The following ZNF292 variants were observed in gnomAD, a reference collection of about 807,000 sequenced individuals.
ZNF292 encodes zinc finger protein 292.
Under a neutral mutation model 217.9 loss-of-function variants are expected in ZNF292, and 26 were observed. The observed-to-expected ratio is 0.12, with a 90% CI of 0.09 to 0.17. The LOEUF is 0.17. Ranked by LOEUF, ZNF292 falls within the 10% of genes least tolerant of loss-of-function variation. The probability of loss-of-function intolerance (pLI) is 1.00; values close to 1 mark genes in which losing one functional copy is unlikely to be tolerated. For missense variants in ZNF292, 2,904 were observed against 3,175.2 expected (o/e 0.91, Z 2.05); for synonymous variants, 1,257 against 1,124.1 (o/e 1.12, Z -2.37).
At chr6:87,192,976 C>CA (rs769422363) in intron 1 of ZNF292, among the ~76,000 whole-genome samples, 1 of 152,046 alleles carries the variant, frequency 6.6e-6, no homozygotes, top group Non-Finnish European at 1.5e-5. Context: ...AATCTTGAAG[C>CA]AAAAAACATT....
chr6:87,256,660 C>T lies in ZNF292; in HGVS notation c.3031C>T (p.Leu1011Phe), dbSNP rs779853676. The T allele has an allele frequency of 4.3e-6, 7 of 1,613,396 alleles. No homozygotes were observed. The highest frequency in any genetic ancestry group is 1.7e-5 in the Admixed American group (1 of 59,960). Residue 1011 changes from leucine to phenylalanine, a missense_variant, in exon 8 of 8, where the codon CTC (leucine) becomes TTC (phenylalanine). Coordinates refer to ENST00000369577, the MANE Select transcript of ZNF292 (RefSeq NM_015021.3). ...TQNSLVNSET[L>F]KIGDLTPQNL... ...GAATTCTTTAGTAAATTCAGAAACT[C>T]TCAAAATAGGTGACCTTACCCCACA...
chr6:87,204,503 A>AT (rs918447333), intron 1 of ZNF292, among the ~76,000 whole-genome samples: 3 of 139,578 alleles, frequency 2.1e-5, no homozygotes, highest in Admixed American at 7.0e-5. Context: ...TGTTTCAAAA[A>AT]TTTTTTTTTA....
rs565853721 is a variant in ZNF292 at position 87,265,553 on chromosome 6, A to T, written c.*3752A>T. Among the ~76,000 whole-genome samples the T allele has an allele frequency of 1.3e-5, 2 of 152,204 alleles. No homozygotes were observed. Among genetic ancestry groups the T allele is most frequent in the African/African-American group, 2.4e-5 (1 of 41,454 alleles). On this transcript the variant is annotated 3_prime_UTR_variant, in exon 8 of 8. Transcript: ENST00000369577. Reference sequence around the variant, plus strand: ...ATAATTTAATGCATGTTTGCATATTAAAGACAAAAGTTCTACTGTAAATAT... The same window carrying T: ...ATAATTTAATGCATGTTTGCATATTTAAGACAAAAGTTCTACTGTAAATAT...
Position 87,260,069 on chromosome 6 carries a change from C to T in ZNF292, c.6440C>T (p.Ser2147Leu), listed in dbSNP as rs1374378957. ...CACAAATCAGATCTACCTGCATTTT[C>T]AGCAGAGGTCGAAGAGGAAAGTGAA... ...AVHKSDLPAF[S>L]AEVEEESEAG... Residue 2147 changes from serine (S) to leucine (L), a missense_variant, in exon 8 of 8, where the codon TCA (serine) becomes TTA (leucine). By Grantham distance (145) the Ser-to-Leu change is moderately radical. This residue lies in a region of ZNF292 where 261 missense variants were observed against 272.8 expected (regional missense o/e 0.96). Transcript: ENST00000369577. 5 of 1,613,536 alleles carry T rather than the reference C, an allele frequency of 3.1e-6. No homozygotes were observed. The highest frequency in any genetic ancestry group is 4.2e-6 in the Non-Finnish European group (5 of 1,179,614).
chr6:87,238,496 A>C (rs1462429620), intron 5 of ZNF292, among the ~76,000 whole-genome samples: 1 of 151,642 alleles, frequency 6.6e-6, no homozygotes, highest in African/African-American at 2.4e-5. Flanking sequence ...AAAAAAAAAA[A>C]AAAAGTAAGC....
intron 1 of ZNF292, among the ~76,000 whole-genome samples, chr6:87,158,654 G>A (rs1770623490): frequency 6.6e-6 from 1 of 152,100 alleles, no homozygotes; most frequent in Non-Finnish European, 1.5e-5. Flanking sequence ...TCCAGCCCGG[G>A]TGACAGAGAA....
At position 87,256,270 on chromosome 6, in the gene ZNF292, A is replaced by G. The variant is rs201904031; in HGVS notation, c.2641A>G (p.Ser881Gly). The G allele has an allele frequency of 3.2e-5, 52 of 1,613,898 alleles. No individual in the cohort carries two copies. The East Asian group carries it at 9.1e-4, about 28-fold the overall frequency. The change falls in exon 8 of 8, where the codon AGC (serine) becomes GGC (glycine). Residue 881 changes from serine (S) to glycine (G), a missense_variant. By Grantham distance (56) the Ser-to-Gly change is moderately conservative. Around this residue, in one of 15 missense-constraint regions of ZNF292, gnomAD observed 687 missense variants for 623.0 expected, o/e 1.10. Transcript: ENST00000369577. ...TCCTTCAGAAAATAACATTGAAAAC[A>G]GCTTACTAGCAGATAGAAGTGATGC... is the stretch of plus-strand genomic sequence containing the variant. ...MLPSENNIEN[S>G]LLADRSDAWD...
chr6:87,191,760 G>A (rs766886750), intron 1 of ZNF292, among the ~76,000 whole-genome samples: 8 of 152,164 alleles, frequency 5.3e-5, no homozygotes, highest in Non-Finnish European at 7.3e-5. Flanking sequence ...TCCGCTTCCC[G>A]GGTTCAAGCG....
chr6:87,176,798 T>C (rs1771311461), intron 1 of ZNF292, among the ~76,000 whole-genome samples: 1 of 152,232 alleles, frequency 6.6e-6, no homozygotes, highest in Non-Finnish European at 1.5e-5. Flanking sequence ...TCACTCACTC[T>C]GGATAGGATT....
intron 1 of ZNF292, among the ~76,000 whole-genome samples, chr6:87,186,382 A>G (rs1050846690): frequency 6.6e-6 from 1 of 152,106 alleles, no homozygotes; most frequent in Non-Finnish European, 1.5e-5. Context: ...TTACCACTTC[A>G]TTTTCATTCC....
intron 1 of ZNF292, among the ~76,000 whole-genome samples, chr6:87,207,916 CT>C (rs924131608): frequency 1.6e-4 from 24 of 152,018 alleles, no homozygotes; most frequent in Non-Finnish European, 3.5e-4. Context: ...TTAGAGCTCC[CT>C]TTTTTCTGTG....
At position 87,159,771 on chromosome 6, in the gene ZNF292, G is replaced by A. The variant is rs144202727; in HGVS notation, c.168+4012G>A. Among the ~76,000 whole-genome samples, 730 of 152,112 alleles carry A rather than the reference G, an allele frequency of 4.8e-3. 3 individuals are homozygous for A. Among genetic ancestry groups the A allele is most frequent in the African/African-American group, 0.017 (698 of 41,506 alleles). ...TGGGATTACAGGCGTGAGCCACCAC[G>A]CCCGGCCCTGTCTCAGCCTTCTAAG... On this transcript the variant is annotated intron_variant, in intron 1 of 7. Transcript: ENST00000369577.
At chr6:87,206,674 CTTTAT>C (rs982331212) in intron 1 of ZNF292, among the ~76,000 whole-genome samples, 1 of 152,018 alleles carries the variant, frequency 6.6e-6, no homozygotes, top group Non-Finnish European at 1.5e-5. Flanking sequence ...TTTGGCTATT[CTTTAT>C]TTTCTCTTTT....
chr6:87,220,671 CT>C (rs1307862831), intron 4 of ZNF292, among the ~76,000 whole-genome samples: 24 of 152,316 alleles, frequency 1.6e-4, no homozygotes, highest in African/African-American at 5.1e-4. Context: ...GAGATTTCAA[CT>C]TTATTTGAAA....
At chr6:87,215,820 AT>A in intron 1 of ZNF292, 82 bp from the exon 2 acceptor site, 1 of 1,158,742 alleles carries the variant, frequency 8.6e-7, no homozygotes, top group South Asian at 1.9e-5. Flanking sequence ...ATTTTTCAAA[AT>A]TTTTCAGGAA....
intron 1 of ZNF292, among the ~76,000 whole-genome samples, chr6:87,193,424 C>T (rs574272772): frequency 1.3e-5 from 2 of 151,982 alleles, no homozygotes; most frequent in Admixed American, 6.6e-5. Flanking sequence ...CCTGTAGTTC[C>T]AGCTACTTGG....
chr6:87,165,875 A>G (rs575258586), intron 1 of ZNF292, among the ~76,000 whole-genome samples: 1 of 149,652 alleles, frequency 6.7e-6, no homozygotes, highest in South Asian at 2.1e-4. Flanking sequence ...CTCCCGCCTC[A>G]GCTTCCCGAG....
chr6:87,241,162 T>C (rs1465330656), intron 5 of ZNF292, among the ~76,000 whole-genome samples: 1 of 152,112 alleles, frequency 6.6e-6, no homozygotes, highest in Non-Finnish European at 1.5e-5. Flanking sequence ...CACGCACCTG[T>C]AGTCTCAGCT....
intron 1 of ZNF292, among the ~76,000 whole-genome samples, chr6:87,204,580 T>TTTTG (rs1772189034): frequency 6.9e-6 from 1 of 145,102 alleles, no homozygotes; most frequent in Non-Finnish European, 1.5e-5. Flanking sequence ...TTTTTTTTTT[T>TTTTG]GATACTAAGT....
Sources: allele counts gnomAD v4.1 joint callset (sites outside exome capture counted in the v4.1 genomes callset), GRCh38; gene constraint gnomAD v4.1.1; regional missense constraint gnomAD v4.1.1; transcripts MANE v1.5; gene names NCBI Gene and HGNC (gene_info 2026-07-23, HGNC 2026-07-21).